Variants in NFKB1 observed in about 807,000 individuals in gnomAD.
NFKB1 encodes the protein nuclear factor NF-kappa-B p105 subunit.
Under a neutral mutation model 105.1 loss-of-function variants are expected in NFKB1, and 9 were observed. The observed-to-expected ratio is 0.09, with a 90% CI of 0.05 to 0.15. NFKB1 has a LOEUF of 0.15. Ranked by LOEUF, NFKB1 falls within the 10% of genes least tolerant of loss-of-function variation. NFKB1 has a pLI of 1.00. For synonymous variants in NFKB1, 440 were observed against 442.2 expected (o/e 1.00, Z 0.06); for missense variants, 830 against 1,203.7 (o/e 0.69, Z 4.59).
chr4:102,606,769 G>C, intron 17 of NFKB1, 72 bp downstream of exon 17: 1 of 1,474,246 alleles, frequency 6.8e-7, no homozygotes, highest in Non-Finnish European at 9.3e-7. Context: ...TTTGATAAAC[G>C]TGTGTTATTT....
chr4:102,598,879 A>G (rs1169553377), intron 15 of NFKB1, among the ~76,000 whole-genome samples: 1 of 152,204 alleles, frequency 6.6e-6, no homozygotes, highest in Non-Finnish European at 1.5e-5. Context: ...CTAAGACCCA[A>G]GCACACTCAC....
At chr4:102,503,652 TCCTTCC>T (rs1390810695) in intron 1 of NFKB1, among the ~76,000 whole-genome samples, 1 of 152,144 alleles carries the variant, frequency 6.6e-6, no homozygotes, top group Non-Finnish European at 1.5e-5. Context: ...ACAAAAATAG[TCCTTCC>T]CCTTTGTAAG....
chr4:102,560,163 T>C (rs1723295738), intron 5 of NFKB1, among the ~76,000 whole-genome samples: 3 of 152,180 alleles, frequency 2.0e-5, no homozygotes, highest in African/African-American at 7.2e-5. Flanking sequence ...TAAAGATTTA[T>C]TTGTAATTTG....
At chr4:102,615,682 A>G (rs1728884433) in intron 23 of NFKB1, among the ~76,000 whole-genome samples, 1 of 152,268 alleles carries the variant, frequency 6.6e-6, no homozygotes, top group Admixed American at 6.5e-5. Context: ...TTTGTAACCC[A>G]TAATAGACAC....
intron 4 of NFKB1, 56 bp from the exon 5 acceptor site, chr4:102,537,802 C>T (rs943611296): frequency 1.9e-5 from 20 of 1,058,008 alleles, no homozygotes; most frequent in Admixed American, 5.6e-5. Context: ...CCTTTGTTGC[C>T]GTAATTTTTA....
At chr4:102,587,784 AGAAACCTTCTG>A (rs2149196599) in intron 11 of NFKB1, among the ~76,000 whole-genome samples, 1 of 152,342 alleles carries the variant, frequency 6.6e-6, no homozygotes, top group South Asian at 2.1e-4. Context: ...TTGATTCTAT[AGAAACCTTCTG>A]GATTATAAAA....
chr4:102,502,390 G>GCGCGCACACACACACACACA (rs1311577382), intron 1 of NFKB1, among the ~76,000 whole-genome samples: 8 of 105,390 alleles, frequency 7.6e-5, no homozygotes, highest in African/African-American at 3.3e-4. Context: ...GCGCGCGCGC[G>GCGCGCACACACACACACACA]CACACACACA....
At chr4:102,542,988 T>A (rs1198886600) in intron 5 of NFKB1, among the ~76,000 whole-genome samples, 1 of 152,244 alleles carries the variant, frequency 6.6e-6, no homozygotes, top group Non-Finnish European at 1.5e-5. Context: ...TCTATTATAC[T>A]GCCTATAAAA....
At chr4:102,527,570 A>G (rs1741003190) in intron 2 of NFKB1, among the ~76,000 whole-genome samples, 1 of 152,176 alleles carries the variant, frequency 6.6e-6, no homozygotes, top group African/African-American at 2.4e-5. Context: ...ACTTCGGGTG[A>G]TATTCTGATT....
rs560579476 is a variant in NFKB1 at position 102,566,629 on chromosome 4, T to C, written c.259-358T>C. On this transcript the variant is annotated intron_variant, in intron 5 of 23. Transcript: ENST00000226574. ...TTTACCCAGCTTTTGTGACCAAGAA[T>C]TTTGATGAGGATGCAGAGGAAGGCA... 6.6e-5 allele frequency among the ~76,000 whole-genome samples: 10 copies of C among 152,308 alleles called. No homozygotes were observed. In the East Asian group the frequency reaches 1.3e-3, roughly 21 times the overall value.
At chr4:102,508,803 A>G (rs1200588021) in intron 1 of NFKB1, among the ~76,000 whole-genome samples, 2 of 152,222 alleles carry the variant, frequency 1.3e-5, no homozygotes, top group Non-Finnish European at 2.9e-5. Flanking sequence ...AGAGTCCTCT[A>G]TAAAACTAAG....
intron 1 of NFKB1, among the ~76,000 whole-genome samples, chr4:102,517,100 C>T (rs1740242423): frequency 6.6e-6 from 1 of 152,116 alleles, no homozygotes; most frequent in Non-Finnish European, 1.5e-5. Context: ...GGTATTTGGC[C>T]AGTGACCAGA....
chr4:102,551,070 C>G (rs1488178722), intron 5 of NFKB1, among the ~76,000 whole-genome samples: 1 of 152,076 alleles, frequency 6.6e-6, no homozygotes, highest in Non-Finnish European at 1.5e-5. Context: ...TTTCAGACAC[C>G]CGAATCCATC....
intron 11 of NFKB1, among the ~76,000 whole-genome samples, chr4:102,588,443 G>C (rs1385788156): frequency 6.8e-6 from 1 of 146,014 alleles, no homozygotes; most frequent in Non-Finnish European, 1.5e-5. Flanking sequence ...CTGTACAAAA[G>C]CAAAAAAAAA....
At chr4:102,527,601 A>G (rs73837257) in intron 2 of NFKB1, among the ~76,000 whole-genome samples, 3,492 of 152,296 alleles carry the variant, frequency 0.023, 65 homozygotes, top group African/African-American at 0.059. Flanking sequence ...GAATGACTGC[A>G]TTGCTTTTCA....
chr4:102,609,675 C>T (rs1728215749), intron 19 of NFKB1, among the ~76,000 whole-genome samples: 1 of 150,264 alleles, frequency 6.7e-6, no homozygotes, highest in Non-Finnish European at 1.5e-5. Context: ...CACTTTGGTC[C>T]TGTAAATTGT....
chr4:102,566,978 C>T lies in NFKB1; in HGVS notation c.259-9C>T. ...ATATGCTAACTTTTGGAATGTGCTTCTTATATAGATCTGCAACTATGTGGG... is the reference window on the plus strand; with the variant it reads ...ATATGCTAACTTTTGGAATGTGCTTTTTATATAGATCTGCAACTATGTGGG... On this transcript the variant is annotated splice_polypyrimidine_tract_variant and intron_variant, in intron 5 of 23. Transcript: ENST00000226574. 1.2e-6 allele frequency: 2 copies of T among 1,613,580 alleles called. No homozygotes were observed. Among genetic ancestry groups the T allele is most frequent in the Non-Finnish European group, 1.7e-6 (2 of 1,179,630 alleles).
In NFKB1 at chr4:102,583,094, C is replaced by T. The variant is rs552170698; in HGVS notation, c.927+137C>T. On this transcript the variant is annotated intron_variant, in intron 10 of 23. Coordinates refer to ENST00000226574, the MANE Select transcript of NFKB1 (RefSeq NM_003998.4). ...TGTTGGGCTTGAGGGATCCTCCTGT[C>T]TCAACCTACCAAATATCTGGGACTA... 6 of 523,016 alleles carry T rather than the reference C, an allele frequency of 1.1e-5. No homozygotes were observed. The South Asian group carries it at 2.1e-4, about 18-fold the overall frequency. The allele number at this position is 523,016 out of a possible 1,614,324, so 32.4% of individuals were successfully genotyped here.
chr4:102,535,972 C>T (rs1200107259), intron 4 of NFKB1, among the ~76,000 whole-genome samples: 1 of 151,186 alleles, frequency 6.6e-6, no homozygotes, highest in African/African-American at 2.4e-5. Flanking sequence ...CCAGCTCTGA[C>T]GGAGATGAGT....
Sources: gnomAD v4.1 joint callset for allele counts (sites outside exome capture counted in the v4.1 genomes callset) on GRCh38, gnomAD v4.1.1 for gene constraint, MANE v1.5 for transcripts, NCBI Gene and HGNC (gene_info 2026-07-23, HGNC 2026-07-21) for gene names.